Variants in DOCK1 observed in about 807,000 individuals in gnomAD.
The protein encoded by DOCK1 is dedicator of cytokinesis protein 1.
Under a neutral mutation model 262.7 loss-of-function variants are expected in DOCK1, and 138 were observed. The ratio of observed to expected loss-of-function variants is 0.53; its 90% confidence interval spans 0.46 to 0.61. The LOEUF is 0.61. DOCK1 is among the 20% of genes least tolerant of loss of function. DOCK1 has a pLI of 0.00. For synonymous variants in DOCK1, 866 were observed against 867.4 expected (o/e 1.00, Z 0.03); for missense variants, 1,908 against 2,370.7 (o/e 0.80, Z 4.05).
rs537792283 is a variant in DOCK1 at position 127,393,602 on chromosome 10, G to A, written c.3927+8693G>A. On this transcript the variant is annotated intron_variant, in intron 38 of 51. Coordinates refer to ENST00000623213, the MANE Select transcript of DOCK1 (RefSeq NM_001290223.2). Reference sequence around the variant, plus strand: ...AGAGTGGGCGGGGGCAGGGAGAGACGGGAATCGGGTGATATTAAAGTTTCT... The same window carrying A: ...AGAGTGGGCGGGGGCAGGGAGAGACAGGAATCGGGTGATATTAAAGTTTCT... 1.1e-4 allele frequency among the ~76,000 whole-genome samples: 17 copies of A among 152,202 alleles called. No individual in the cohort carries two copies. The South Asian group carries it at 2.1e-3, about 19-fold the overall frequency.
chr10:127,052,561 T>C, intron 21 of DOCK1, 120 bp from the exon 22 acceptor site: 6 of 1,404,416 alleles, frequency 4.3e-6, no homozygotes, highest in African/African-American at 1.4e-5. Context: ...TTTACAGATA[T>C]TCATATACTG....
chr10:127,115,306 T>C (rs1004585735), intron 25 of DOCK1, among the ~76,000 whole-genome samples: 10 of 152,098 alleles, frequency 6.6e-5, no homozygotes, highest in Non-Finnish European at 8.8e-5. Context: ...TGTGAGTCAG[T>C]GAATGGGCAG....
chr10:127,330,086 C>G (rs1427992607), intron 29 of DOCK1, among the ~76,000 whole-genome samples: 2 of 152,148 alleles, frequency 1.3e-5, no homozygotes, highest in Non-Finnish European at 2.9e-5. Flanking sequence ...CGGCTCCAAG[C>G]TTTGGAGGGA....
At chr10:127,400,940 G>A (rs1351451602) in intron 38 of DOCK1, among the ~76,000 whole-genome samples, 1 of 152,152 alleles carries the variant, frequency 6.6e-6, no homozygotes, top group Non-Finnish European at 1.5e-5. Flanking sequence ...AGGAAGAGGG[G>A]AGAAACCTGA....
chr10:126,963,159 A>G (rs911310670), intron 1 of DOCK1, among the ~76,000 whole-genome samples: 1 of 152,098 alleles, frequency 6.6e-6, no homozygotes, highest in African/African-American at 2.4e-5. Context: ...CGGGCCTCCA[A>G]TTTTGTTTTT....
chr10:127,015,100 A>T (rs2041759839), intron 12 of DOCK1: 1 of 151,516 alleles, frequency 6.6e-6, no homozygotes, highest in East Asian at 1.9e-4. Flanking sequence ...CTCTTTGGGG[A>T]CCGCTTTCTA....
At chr10:127,028,233 A>G (rs903710555) in intron 16 of DOCK1, among the ~76,000 whole-genome samples, 2 of 152,196 alleles carry the variant, frequency 1.3e-5, no homozygotes, top group African/African-American at 2.4e-5. Flanking sequence ...GTTCCCTGCC[A>G]TCTCATCCTT....
At chr10:127,447,117 C>A (rs541485149) in intron 50 of DOCK1, among the ~76,000 whole-genome samples, 1 of 152,298 alleles carries the variant, frequency 6.6e-6, no homozygotes, top group East Asian at 1.9e-4. Context: ...GTGAACATCA[C>A]CCTTTCTACA....
intron 1 of DOCK1, among the ~76,000 whole-genome samples, chr10:126,912,169 C>G (rs1327171936): frequency 2.6e-5 from 4 of 152,126 alleles, no homozygotes; most frequent in African/African-American, 9.7e-5. Context: ...TGGCTCACAC[C>G]TGTAATCCCA....
chr10:126,981,580 A>G (rs1010634475), intron 3 of DOCK1, among the ~76,000 whole-genome samples: 1 of 152,218 alleles, frequency 6.6e-6, no homozygotes, highest in Non-Finnish European at 1.5e-5. Context: ...ACCATCATCA[A>G]AAATTGCTTT....
At position 127,451,639 on chromosome 10, in the gene DOCK1, C is replaced by G; in HGVS notation, c.*212C>G. 1 of 1,180,840 alleles carries G rather than the reference C, an allele frequency of 8.5e-7. No homozygotes were observed. The highest frequency in any genetic ancestry group is 1.1e-6 in the Non-Finnish European group (1 of 877,428). The allele number at this position is 1,180,840 out of a possible 1,614,324, so 73.1% of individuals were successfully genotyped here. A position where few individuals can be genotyped will look rare whatever the true frequency, so the allele number is the denominator to read the frequency against. On this transcript the variant is annotated 3_prime_UTR_variant, in exon 52 of 52. Transcript: ENST00000623213. ...GTGGGTCTGGGAGGTAGATATGGGT[C>G]CGGGATGTGCTATCGTAGTTATCAG...
chr10:127,275,514 G>T (rs904388894), intron 29 of DOCK1, among the ~76,000 whole-genome samples: 1 of 152,136 alleles, frequency 6.6e-6, no homozygotes, highest in South Asian at 2.1e-4. Context: ...ATGGTGTGTC[G>T]GGAGCTGTGA....
intron 29 of DOCK1, among the ~76,000 whole-genome samples, chr10:127,293,165 G>A (rs925529812): frequency 6.6e-6 from 1 of 152,158 alleles, no homozygotes; most frequent in African/African-American, 2.4e-5. Context: ...CTAGCCCAGG[G>A]CCACAAAGCG....
At chr10:127,114,148 A>G (rs1218216252) in intron 25 of DOCK1, among the ~76,000 whole-genome samples, 1 of 152,126 alleles carries the variant, frequency 6.6e-6, no homozygotes, top group African/African-American at 2.4e-5. Flanking sequence ...TAGGCCTTCC[A>G]TAGGATGAGA....
chr10:126,951,397 A>G (rs2036223917), intron 1 of DOCK1, among the ~76,000 whole-genome samples: 1 of 150,488 alleles, frequency 6.6e-6, no homozygotes, highest in African/African-American at 2.5e-5. Flanking sequence ...TGATGGTAGT[A>G]GTATTGCTAA....
chr10:126,912,940 A>G (rs1211378876), intron 1 of DOCK1, among the ~76,000 whole-genome samples: 1 of 151,892 alleles, frequency 6.6e-6, no homozygotes, highest in African/African-American at 2.4e-5. Context: ...TTTTGATAAC[A>G]TAAGACTTTT....
In DOCK1 at chr10:127,446,265, A is replaced by C. The variant is rs893581346; in HGVS notation, c.5414-1129A>C. Among the ~76,000 whole-genome samples the C allele has an allele frequency of 1.5e-5, 1 of 67,430 alleles. No individual in the cohort carries two copies. Among genetic ancestry groups the C allele is most frequent in the African/African-American group, 4.3e-5 (1 of 23,258 alleles). The allele number at this position is 67,430 out of a possible 152,430, so 44.2% of individuals were successfully genotyped here. On this transcript the variant is annotated intron_variant, in intron 50 of 51. Coordinates refer to ENST00000623213, the MANE Select transcript of DOCK1 (RefSeq NM_001290223.2). This position sits in a 1 kb window ranked among gnomAD's most constrained non-coding sequence, Gnocchi z 4.4. ...ACTCCATCCCAAACAAAAAGAAAAG[A>C]AAAAAAAAAAGAAAGTAGAATAGAG...
intron 27 of DOCK1, among the ~76,000 whole-genome samples, chr10:127,133,450 A>G (rs1177827258): frequency 6.6e-6 from 1 of 152,142 alleles, no homozygotes; most frequent in African/African-American, 2.4e-5. Flanking sequence ...CTATAATTGT[A>G]CTGTTTGCTA....
intron 29 of DOCK1, among the ~76,000 whole-genome samples, chr10:127,305,876 C>T (rs1390664162): frequency 6.6e-6 from 1 of 152,212 alleles, no homozygotes; most frequent in East Asian, 1.9e-4. Flanking sequence ...ACCCCTGCTC[C>T]TCCATGCCCC....
Sources: allele counts gnomAD v4.1 joint callset (sites outside exome capture counted in the v4.1 genomes callset), GRCh38; gene constraint gnomAD v4.1.1; non-coding constraint Gnocchi (gnomAD v3.1); transcripts MANE v1.5; gene names NCBI Gene and HGNC (gene_info 2026-07-23, HGNC 2026-07-21).